Variants in NKAIN2 observed in about 807,000 individuals in gnomAD.
NKAIN2 encodes the protein sodium/potassium-transporting ATPase subunit beta-1-interacting protein 2.
A neutral mutation model predicts 32.6 loss-of-function variants in NKAIN2; 14 were observed. The observed-to-expected ratio is 0.43, with a 90% CI of 0.28 to 0.67. The LOEUF (loss-of-function observed/expected upper bound fraction) is 0.67. Ranked by LOEUF, NKAIN2 falls within the 30% of genes least tolerant of loss-of-function variation. The pLI, the probability that NKAIN2 is intolerant of heterozygous loss-of-function variation, is 0.17. For missense variants in NKAIN2, 198 were observed against 258.3 expected (o/e 0.77, Z 1.60); for synonymous variants, 80 against 87.2 (o/e 0.92, Z 0.46).
At chr6:124,273,501 A>G (rs971219935) in intron 1 of NKAIN2, among the ~76,000 whole-genome samples, 12 of 152,326 alleles carry the variant, frequency 7.9e-5, no homozygotes, top group Non-Finnish European at 1.5e-4. Flanking sequence ...CTCAGGTAGT[A>G]TCTTTATAGC....
intron 2 of NKAIN2, among the ~76,000 whole-genome samples, chr6:124,341,962 T>C (rs1490659215): frequency 2.0e-5 from 3 of 152,164 alleles, no homozygotes; most frequent in Non-Finnish European, 4.4e-5. Flanking sequence ...AATAAGACCA[T>C]GGTGAGAATG....
intron 2 of NKAIN2, among the ~76,000 whole-genome samples, chr6:124,322,801 G>T (rs1284227521): frequency 3.3e-5 from 5 of 152,128 alleles, no homozygotes; most frequent in Admixed American, 6.5e-5. Flanking sequence ...CATATCATAT[G>T]GTCAGTAGGC....
Position 124,727,294 on chromosome 6 carries a change from C to T in NKAIN2, c.475-64045C>T, listed in dbSNP as rs564269770. Among the ~76,000 whole-genome samples the T allele has an allele frequency of 2.1e-3, 319 of 152,076 alleles. 1 individual carries two copies. The highest frequency in any genetic ancestry group is 7.4e-3 in the African/African-American group (309 of 41,484). On this transcript the variant is annotated intron_variant, in intron 4 of 6. Coordinates refer to ENST00000368417, the MANE Select transcript of NKAIN2 (RefSeq NM_001040214.3). Reference sequence around the variant, plus strand: ...GTTGAAATGAAGGAAAAAATGTTAACGGAAGCCAGAGAGAAAGGTCGGGTT... The same window carrying T: ...GTTGAAATGAAGGAAAAAATGTTAATGGAAGCCAGAGAGAAAGGTCGGGTT...
chr6:124,435,724 A>G (rs1002982909), intron 3 of NKAIN2, among the ~76,000 whole-genome samples: 3 of 152,168 alleles, frequency 2.0e-5, no homozygotes, highest in African/African-American at 7.2e-5. Context: ...TCATGTGAGT[A>G]TACAACTTAT....
At chr6:124,806,451 T>A (rs1369024262) in intron 5 of NKAIN2, among the ~76,000 whole-genome samples, 1 of 151,926 alleles carries the variant, frequency 6.6e-6, no homozygotes, top group Non-Finnish European at 1.5e-5. Flanking sequence ...AGAGATTTTG[T>A]CACCACCAGG....
At chr6:124,781,565 T>G (rs1230044161) in intron 4 of NKAIN2, among the ~76,000 whole-genome samples, 1 of 152,154 alleles carries the variant, frequency 6.6e-6, no homozygotes, top group Non-Finnish European at 1.5e-5. Flanking sequence ...CAATTGCACT[T>G]TTTCCTAGGT....
intron 4 of NKAIN2, among the ~76,000 whole-genome samples, chr6:124,697,733 A>G (rs1246888447): frequency 6.6e-6 from 1 of 152,204 alleles, no homozygotes; most frequent in Non-Finnish European, 1.5e-5. Context: ...TAAAGCAAAC[A>G]TTAGGTAATA....
intron 1 of NKAIN2, among the ~76,000 whole-genome samples, chr6:124,002,657 T>C (rs1193823458): frequency 6.6e-6 from 1 of 152,186 alleles, no homozygotes; most frequent in Non-Finnish European, 1.5e-5. Context: ...TGGCACTCAT[T>C]CTCATTTAAC....
intron 4 of NKAIN2, among the ~76,000 whole-genome samples, chr6:124,775,734 T>C (rs1259249443): frequency 6.6e-6 from 1 of 152,140 alleles, no homozygotes; most frequent in African/African-American, 2.4e-5. Context: ...GACCCTACTA[T>C]CTTAGCTATG....
At chr6:124,753,631 G>C (rs140730737) in intron 4 of NKAIN2, among the ~76,000 whole-genome samples, 1 of 152,072 alleles carries the variant, frequency 6.6e-6, no homozygotes, top group East Asian at 1.9e-4. Context: ...GGAAATAAAA[G>C]TGATTAGATG....
chr6:124,220,373 T>A (rs1320582728), intron 1 of NKAIN2, among the ~76,000 whole-genome samples: 1 of 152,142 alleles, frequency 6.6e-6, no homozygotes. Context: ...AATTACCTAG[T>A]CTTGGGCACT....
At chr6:124,531,039 ACCAGC>A (rs954651700) in intron 3 of NKAIN2, among the ~76,000 whole-genome samples, 35 of 152,308 alleles carry the variant, frequency 2.3e-4, no homozygotes, top group African/African-American at 6.3e-4. Context: ...ATAATGATTT[ACCAGC>A]TATCTGGATA....
chr6:124,282,698 T>G (rs190988186), intron 1 of NKAIN2, among the ~76,000 whole-genome samples: 1 of 152,204 alleles, frequency 6.6e-6, no homozygotes, highest in Non-Finnish European at 1.5e-5. Flanking sequence ...TGACTTCAAA[T>G]GTTTGACAGT....
rs1798680971 is a variant in NKAIN2, at chr6:124,350,640, A to G, written c.193-4627A>G. Among the ~76,000 whole-genome samples, 2 of 152,236 alleles carry G rather than the reference A, an allele frequency of 1.3e-5. 1 individual carries two copies. The highest frequency in any genetic ancestry group is 4.1e-4 in the South Asian group (2 of 4,832). ...GTTTTTGGCAAATCTGTAATGAAGG[A>G]TAGTGCATTGTGAGACTAACTGGAT... On this transcript the variant is annotated intron_variant, in intron 2 of 6. Coordinates refer to ENST00000368417, the MANE Select transcript of NKAIN2 (RefSeq NM_001040214.3).
At chr6:124,303,552 A>G (rs1481227090) in intron 2 of NKAIN2, among the ~76,000 whole-genome samples, 1 of 152,250 alleles carries the variant, frequency 6.6e-6, no homozygotes, top group Non-Finnish European at 1.5e-5. Flanking sequence ...ATCTAAAGAC[A>G]GTATTTATAG....
chr6:124,110,702 C>T lies in NKAIN2; in HGVS notation c.55-172303C>T, dbSNP rs13190903. 3.8e-3 allele frequency among the ~76,000 whole-genome samples: 583 copies of T among 152,132 alleles called. 7 individuals carry two copies. Among genetic ancestry groups the T allele is most frequent in the Non-Finnish European group, 4.4e-3 (300 of 67,974 alleles). On this transcript the variant is annotated intron_variant, in intron 1 of 6. Coordinates refer to ENST00000368417, the MANE Select transcript of NKAIN2 (RefSeq NM_001040214.3). ...TAGGATAATGGCCTCCATCTGCATC[C>T]GTGTTGCTGCAAAAGACATGATTTC...
At chr6:124,199,035 A>T (rs961919443) in intron 1 of NKAIN2, among the ~76,000 whole-genome samples, 4 of 152,276 alleles carry the variant, frequency 2.6e-5, no homozygotes, top group African/African-American at 9.6e-5. Flanking sequence ...AATATATTTG[A>T]AGCAACATTC....
intron 1 of NKAIN2, among the ~76,000 whole-genome samples, chr6:123,880,345 A>C (rs1773392194): frequency 6.6e-6 from 1 of 152,208 alleles, no homozygotes; most frequent in Admixed American, 6.5e-5. Flanking sequence ...TTCTATTCCA[A>C]ATGAATGCCA....
At chr6:124,188,837 A>C (rs1789876314) in intron 1 of NKAIN2, among the ~76,000 whole-genome samples, 2 of 152,144 alleles carry the variant, frequency 1.3e-5, no homozygotes, top group African/African-American at 4.8e-5. Flanking sequence ...TCCATACTTA[A>C]ATGCCATGTT....
Sources: gnomAD v4.1 joint callset for allele counts (sites outside exome capture counted in the v4.1 genomes callset) on GRCh38, gnomAD v4.1.1 for gene constraint, MANE v1.5 for transcripts, NCBI Gene and HGNC (gene_info 2026-07-23, HGNC 2026-07-21) for gene names.